Variants in STK24 observed in about 807,000 individuals in gnomAD.
The protein encoded by STK24 is serine/threonine-protein kinase 24.
Under a neutral mutation model 55.6 loss-of-function variants are expected in STK24, and 21 were observed. The ratio of observed to expected loss-of-function variants is 0.38; its 90% CI spans 0.27 to 0.54. The LOEUF is 0.54. Among genes scored for constraint, STK24 ranks in the 20% least tolerant of loss-of-function variants. The pLI, the probability that STK24 is intolerant of heterozygous loss-of-function variation, is 0.79. For synonymous variants in STK24, 200 were observed against 215.2 expected (o/e 0.93, Z 0.62); for missense variants, 383 against 538.4 (o/e 0.71, Z 2.86).
At position 98,486,204 on chromosome 13, in the gene STK24, T is replaced by TAA. The variant is rs5806065; in HGVS notation, c.274-3885_274-3884dup. On this transcript the variant is annotated intron_variant, in intron 2 of 10. Coordinates refer to ENST00000539966, the MANE Select transcript of STK24 (RefSeq NM_001032296.4). ...CATGTACCCCAGAACTTAAAAGTAT[T>TAA]AAAAAAAAAAAAAAGAAAGAAAAAG... Among the ~76,000 whole-genome samples, 76 of 146,196 alleles carry TAA rather than the reference T, an allele frequency of 5.2e-4. 1 individual carries two copies. The highest frequency in any genetic ancestry group is 1.3e-3 in the African/African-American group (51 of 39,318).
At chr13:98,453,271 CA>C in intron 10 of STK24, 62 bp from the exon 11 acceptor site, 1 of 1,518,924 alleles carries the variant, frequency 6.6e-7, no homozygotes, top group Admixed American at 2.0e-5. Flanking sequence ...TGCAAAAATT[CA>C]TATAGTAACC....
intron 1 of STK24, among the ~76,000 whole-genome samples, chr13:98,523,468 G>A (rs1400424343): frequency 3.9e-5 from 6 of 152,194 alleles, no homozygotes; most frequent in African/African-American, 7.2e-5. Flanking sequence ...TGCCGCCCTG[G>A]CCCTTGAACC....
chr13:98,486,728 G>A (rs186706094), intron 2 of STK24, among the ~76,000 whole-genome samples: 4 of 152,302 alleles, frequency 2.6e-5, no homozygotes, highest in Admixed American at 2.0e-4. Flanking sequence ...CTACACCCAC[G>A]ATGGACGCTG....
intron 2 of STK24, among the ~76,000 whole-genome samples, chr13:98,495,781 T>G (rs941919722): frequency 6.6e-6 from 1 of 152,230 alleles, no homozygotes; most frequent in Non-Finnish European, 1.5e-5. Flanking sequence ...CGAAATGAAA[T>G]GTACGCCCTT....
intron 1 of STK24, among the ~76,000 whole-genome samples, chr13:98,558,585 T>C (rs1036441503): frequency 6.6e-6 from 1 of 152,216 alleles, no homozygotes; most frequent in Non-Finnish European, 1.5e-5. Flanking sequence ...TTATGCCAAC[T>C]AGCTTCCTGC....
chr13:98,499,298 G>A (rs1811050036), intron 2 of STK24, among the ~76,000 whole-genome samples: 1 of 152,114 alleles, frequency 6.6e-6, no homozygotes, highest in Non-Finnish European at 1.5e-5. Context: ...CACTTGCAAG[G>A]CATGAACACA....
chr13:98,544,965 C>G (rs536404731), intron 1 of STK24, among the ~76,000 whole-genome samples: 2 of 152,114 alleles, frequency 1.3e-5, no homozygotes, highest in Non-Finnish European at 2.9e-5. Context: ...GAAAAGTGAT[C>G]AGAAAAGATG....
At chr13:98,540,741 T>C (rs1246463983) in intron 1 of STK24, among the ~76,000 whole-genome samples, 1 of 122,080 alleles carries the variant, frequency 8.2e-6, no homozygotes, top group Admixed American at 9.8e-5. Context: ...CAGTACTGAG[T>C]GGTTAAGCTA....
intron 2 of STK24, among the ~76,000 whole-genome samples, chr13:98,491,583 A>G (rs533713487): frequency 6.6e-6 from 1 of 152,144 alleles, no homozygotes; most frequent in East Asian, 1.9e-4. Flanking sequence ...CATCACTACA[A>G]GTTAGCTACA....
intron 1 of STK24, among the ~76,000 whole-genome samples, chr13:98,570,326 T>C (rs1897706852): frequency 6.6e-6 from 1 of 152,176 alleles, no homozygotes; most frequent in African/African-American, 2.4e-5. Context: ...AACTACCCAT[T>C]AGACATTTCT....
At chr13:98,541,426 A>G (rs1173833696) in intron 1 of STK24, among the ~76,000 whole-genome samples, 1 of 152,194 alleles carries the variant, frequency 6.6e-6, no homozygotes, top group African/African-American at 2.4e-5. Context: ...GTTTGTTCAG[A>G]TGTTCAAAGG....
At chr13:98,485,320 T>C (rs1336046117) in intron 2 of STK24, among the ~76,000 whole-genome samples, 2 of 152,164 alleles carry the variant, frequency 1.3e-5, no homozygotes, top group Admixed American at 6.5e-5. Flanking sequence ...GAGCCAGAAG[T>C]GCTGATTGGT....
At chr13:98,499,498 GGCT>G (rs1895368148) in intron 2 of STK24, among the ~76,000 whole-genome samples, 1 of 152,112 alleles carries the variant, frequency 6.6e-6, no homozygotes, top group Non-Finnish European at 1.5e-5. Context: ...ACTGAGTCCT[GGCT>G]CATCAGCTGA....
chr13:98,575,402 TATATACACAC>T (rs1897858490), intron 1 of STK24, among the ~76,000 whole-genome samples: 1 of 98,548 alleles, frequency 1.0e-5, no homozygotes, highest in Non-Finnish European at 2.4e-5. Context: ...ATACTGCTTA[TATATACACAC>T]ACACACACAC....
intron 1 of STK24, among the ~76,000 whole-genome samples, chr13:98,575,661 T>C (rs533920249): frequency 2.0e-5 from 3 of 152,288 alleles, no homozygotes; most frequent in East Asian, 1.9e-4. Context: ...AAGGAGCCTG[T>C]TGGTACCTGT....
intron 1 of STK24, among the ~76,000 whole-genome samples, chr13:98,545,989 G>C (rs1897019939): frequency 6.6e-6 from 1 of 152,206 alleles, no homozygotes; most frequent in East Asian, 1.9e-4. Flanking sequence ...GAGATCACAG[G>C]AATTGCTTAA....
intron 6 of STK24, 23 bp downstream of exon 6, chr13:98,466,353 G>A (rs369186620): frequency 1.0e-4 from 163 of 1,610,552 alleles, no homozygotes; most frequent in Non-Finnish European, 1.2e-4. Flanking sequence ...GAAGAGGTAC[G>A]CTGTGATCCC....
At chr13:98,569,361 T>C (rs1897674086) in intron 1 of STK24, among the ~76,000 whole-genome samples, 1 of 146,740 alleles carries the variant, frequency 6.8e-6, no homozygotes, top group Non-Finnish European at 1.5e-5. Context: ...TGGCGCACTA[T>C]ATGCCCAACC....
rs7992164 is a variant in STK24, at chr13:98,552,763, G to A, written c.42+23982C>T. ...TTCGGTCTAGTCAGAAACCGAAGAC[G>A]CCAACAAGGGGAAGATGGCATCTGC... On this transcript the variant is annotated intron_variant, in intron 1 of 10. Transcript: ENST00000539966. Among the ~76,000 whole-genome samples, 1,013 of 152,206 alleles carry A rather than the reference G, an allele frequency of 6.7e-3. 11 individuals are homozygous for A. The highest frequency in any genetic ancestry group is 0.023 in the African/African-American group (952 of 41,536).
Sources: allele counts gnomAD v4.1 joint callset (sites outside exome capture counted in the v4.1 genomes callset), GRCh38; gene constraint gnomAD v4.1.1; transcripts MANE v1.5; gene names NCBI Gene and HGNC (gene_info 2026-07-23, HGNC 2026-07-21).